The following TGFBR1 variants were observed in gnomAD, a reference collection of about 807,000 sequenced individuals.
The protein encoded by TGFBR1 is TGF-beta receptor type-1.
Under a neutral mutation model 55.1 loss-of-function variants are expected in TGFBR1, and 20 were observed. That is an observed-to-expected ratio of 0.36 (90% CI 0.26 to 0.53). The LOEUF (loss-of-function observed/expected upper bound fraction) is 0.53, where lower values mean the gene tolerates loss of function less well. Among genes scored for constraint, TGFBR1 ranks in the 20% least tolerant of loss-of-function variants. TGFBR1 has a pLI of 0.91. For synonymous variants in TGFBR1, 220 were observed against 214.8 expected (o/e 1.02, Z -0.21); for missense variants, 385 against 617.6 (o/e 0.62, Z 3.99).
chr9:99,125,337 G>T (rs904484210), intron 1 of TGFBR1, among the ~76,000 whole-genome samples: 4 of 152,118 alleles, frequency 2.6e-5, no homozygotes, highest in African/African-American at 9.7e-5. Flanking sequence ...GGAAGATAAG[G>T]TTAATATCTT....
intron 4 of TGFBR1, among the ~76,000 whole-genome samples, chr9:99,140,771 C>T (rs1427873415): frequency 6.6e-6 from 1 of 152,204 alleles, no homozygotes; most frequent in African/African-American, 2.4e-5. Context: ...ATGTTGGCAA[C>T]TCTCAAATCT....
rs756039315 is a variant in TGFBR1 at position 99,129,119 on chromosome 9, T to G, written c.343+19T>G. 1.7e-5 allele frequency: 28 copies of G among 1,612,802 alleles called. No homozygotes were observed. Among genetic ancestry groups the G allele is most frequent in the Non-Finnish European group, 2.2e-5 (26 of 1,179,254 alleles). On this transcript the variant is annotated intron_variant, in intron 2 of 8. Transcript: ENST00000374994. ...ACTACTGGTAAGTTGTATAAAATTT[T>G]TTTCCTAGATACTACAAGAAAAACT...
rs528239857 is a variant in TGFBR1 at position 99,131,939 on chromosome 9, G to T, written c.344-570G>T. ...GCCAACATCATACCACTGTACTCCA[G>T]CCTGGGCAACAAGAGTGAAAATCCA... On this transcript the variant is annotated intron_variant, in intron 2 of 8. Coordinates refer to ENST00000374994, the MANE Select transcript of TGFBR1 (RefSeq NM_004612.4). 7.3e-5 allele frequency among the ~76,000 whole-genome samples: 11 copies of T among 151,062 alleles called. No individual in the cohort carries two copies. The East Asian group carries it at 1.7e-3, about 24-fold the overall frequency.
chr9:99,118,363 T>A (rs989055073), intron 1 of TGFBR1, among the ~76,000 whole-genome samples: 2 of 152,200 alleles, frequency 1.3e-5, no homozygotes, highest in Non-Finnish European at 2.9e-5. Flanking sequence ...TGTTGAGAAG[T>A]AGTGATGGAT....
intron 4 of TGFBR1, among the ~76,000 whole-genome samples, chr9:99,142,050 CT>C (rs111648789): frequency 6.6e-6 from 1 of 152,190 alleles, no homozygotes; most frequent in African/African-American, 2.4e-5. Flanking sequence ...CTTGTCATTT[CT>C]TGTTGAAACT....
rs559021446 is a variant in TGFBR1, at chr9:99,107,406, C to T, written c.97+2104C>T. On this transcript the variant is annotated intron_variant, in intron 1 of 8. Coordinates refer to ENST00000374994, the MANE Select transcript of TGFBR1 (RefSeq NM_004612.4). ...TCTCTAGGGAAATTGATTCCTTATC[C>T]CTAGTGCACAGTTTAGTACCACTAT... 3.9e-5 allele frequency among the ~76,000 whole-genome samples: 6 copies of T among 152,292 alleles called. No homozygotes were observed. In the South Asian group the frequency reaches 1.2e-3, roughly 32 times the overall value.
intron 1 of TGFBR1, among the ~76,000 whole-genome samples, chr9:99,110,739 C>T (rs922216133): frequency 3.3e-5 from 5 of 152,192 alleles, no homozygotes; most frequent in Admixed American, 6.5e-5. Context: ...GCAGAATTGA[C>T]ACAATTTTGC....
chr9:99,126,795 T>G (rs1236833365), intron 1 of TGFBR1, among the ~76,000 whole-genome samples: 1 of 152,220 alleles, frequency 6.6e-6, no homozygotes, highest in East Asian at 1.9e-4. Flanking sequence ...TAGCAGTCTT[T>G]ATTACGATTG....
chr9:99,140,641 A>T (rs952080487), intron 4 of TGFBR1, among the ~76,000 whole-genome samples: 3 of 151,874 alleles, frequency 2.0e-5, no homozygotes, highest in Non-Finnish European at 4.4e-5. Flanking sequence ...TTACTTCTTC[A>T]TAGTTGTCTT....
At chr9:99,113,228 G>A (rs983716921) in intron 1 of TGFBR1, among the ~76,000 whole-genome samples, 3 of 152,196 alleles carry the variant, frequency 2.0e-5, no homozygotes, top group African/African-American at 4.8e-5. Flanking sequence ...TGTGGTTCTT[G>A]GCTGAGATAA....
chr9:99,105,251 G>A lies in TGFBR1; in HGVS notation c.46G>A (p.Val16Met), dbSNP rs1021523079. 1.0e-4 allele frequency: 107 copies of A among 1,059,672 alleles called. No individual in the cohort carries two copies. The African/African-American group carries it at 1.8e-3, about 17-fold the overall frequency. The allele number at this position is 1,059,672 out of a possible 1,614,324, so 65.6% of individuals were successfully genotyped here. A position where few individuals can be genotyped will look rare whatever the true frequency, so the allele number is the denominator to read the frequency against. The change falls in exon 1 of 9, where the codon GTG (valine) becomes ATG (methionine). Residue 16 changes from valine (V) to methionine (M), a missense_variant. Coordinates refer to ENST00000374994, the MANE Select transcript of TGFBR1 (RefSeq NM_004612.4). Reference protein sequence around the residue: ...AAPRPRLLLLVLAAAAAAAAA... With the variant: ...AAPRPRLLLLMLAAAAAAAAA... The stretch of plus-strand genomic sequence containing the variant: ...TCCGCGTCCCCGGCTGCTCCTCCTC[G>A]TGCTGGCGGCGGCGGCGGCGGCGGC...
At chr9:99,142,826 A>C (rs993044145) in intron 5 of TGFBR1, 123 bp downstream of exon 5, 8 of 1,107,380 alleles carry the variant, frequency 7.2e-6, no homozygotes, top group Middle Eastern at 2.2e-4. Context: ...TGGGAGGCTG[A>C]GGTGGGCAGA....
Position 99,132,474 on chromosome 9 carries a change from T to C in TGFBR1, c.344-35T>C, listed in dbSNP as rs199599423. On this transcript the variant is annotated intron_variant, in intron 2 of 8. Coordinates refer to ENST00000374994, the MANE Select transcript of TGFBR1 (RefSeq NM_004612.4). ...TTGCCACCTACAGTGTTTTTGTCGT[T>C]GTTGATGTTTATTTCACTCGAGGCC... 23 of 1,612,110 alleles carry C rather than the reference T, an allele frequency of 1.4e-5. No homozygotes were observed. In the Admixed American group the frequency reaches 2.2e-4, roughly 15 times the overall value.
At chr9:99,141,329 C>G (rs1408551565) in intron 4 of TGFBR1, among the ~76,000 whole-genome samples, 1 of 152,190 alleles carries the variant, frequency 6.6e-6, no homozygotes, top group East Asian at 1.9e-4. Flanking sequence ...GAAATCTCCT[C>G]CAGAATCTTC....
chr9:99,134,982 C>T (rs1442386540), intron 3 of TGFBR1, among the ~76,000 whole-genome samples: 1 of 151,428 alleles, frequency 6.6e-6, no homozygotes, highest in Non-Finnish European at 1.5e-5. Flanking sequence ...TAACCAATGT[C>T]TCATGCTTGA....
At chr9:99,135,214 C>A (rs1432601406) in intron 3 of TGFBR1, among the ~76,000 whole-genome samples, 1 of 152,088 alleles carries the variant, frequency 6.6e-6, no homozygotes, top group African/African-American at 2.4e-5. Flanking sequence ...CCTCCTTTGC[C>A]TGTCATAGTT....
rs563056413 is a variant in TGFBR1 at position 99,142,026 on chromosome 9, A to G, written c.806-510A>G. Among the ~76,000 whole-genome samples, 3 of 152,306 alleles carry G rather than the reference A, an allele frequency of 2.0e-5. No homozygotes were observed. In the South Asian group the frequency reaches 6.2e-4, roughly 32 times the overall value. On this transcript the variant is annotated intron_variant, in intron 4 of 8. Coordinates refer to ENST00000374994, the MANE Select transcript of TGFBR1 (RefSeq NM_004612.4). ...TGCGTCTTTGTGAACTGTGTACACAATCTGTCACTAAAGCTTGTCATTTCT... is the reference window on the plus strand; with the variant it reads ...TGCGTCTTTGTGAACTGTGTACACAGTCTGTCACTAAAGCTTGTCATTTCT...
At chr9:99,127,389 C>A (rs956394622) in intron 1 of TGFBR1, among the ~76,000 whole-genome samples, 5 of 152,166 alleles carry the variant, frequency 3.3e-5, no homozygotes, top group Non-Finnish European at 5.9e-5. Flanking sequence ...ACCCGGCCCC[C>A]CAGCAGTAAT....
Position 99,105,241 on chromosome 9 carries a change from G to A in TGFBR1, c.36G>A (p.Leu12=), listed in dbSNP as rs2118164001. 9.3e-7 allele frequency: 1 copy of A among 1,070,914 alleles called. No homozygotes were observed. Among genetic ancestry groups the A allele is most frequent in the Non-Finnish European group, 1.1e-6 (1 of 888,824 alleles). 66.3% of individuals were successfully genotyped at this position (1,070,914 alleles called of 1,614,324 possible). The change falls in exon 1 of 9, where the codon CTG becomes CTA. Residue 12 remains leucine (L), a synonymous_variant. Transcript: ENST00000374994. ...CGGTCGCTGCTCCGCGTCCCCGGCT[G>A]CTCCTCCTCGTGCTGGCGGCGGCGG... is the stretch of plus-strand genomic sequence containing the variant. ...EAAVAAPRPR[L]LLLVLAAAAA... is the part of the protein sequence containing the mutation.
Sources: allele counts gnomAD v4.1 joint callset (sites outside exome capture counted in the v4.1 genomes callset), GRCh38; gene constraint gnomAD v4.1.1; transcripts MANE v1.5; gene names NCBI Gene and HGNC (gene_info 2026-07-23, HGNC 2026-07-21).